CFAP263: variants seen among roughly 807,000 people sequenced by gnomAD.
The protein encoded by CFAP263 is cilia and flagella associated protein 263.
At chr16:58,281,915 T>G in the CFAP263 span, 1 of 152,496 alleles carries the variant, frequency 6.6e-6, no homozygotes, top group Non-Finnish European at 1.5e-5. Context: ...CAATCTTGGC[T>G]CACTGCAACC....
the CFAP263 span, among the ~76,000 whole-genome samples, chr16:58,272,644 G>A: frequency 3.5e-3 from 538 of 152,270 alleles, no homozygotes; most frequent in Middle Eastern, 6.8e-3. Context: ...ATTGTTGACC[G>A]AAATGTTTTC....
chr16:58,258,192 CT>C, the CFAP263 span, among the ~76,000 whole-genome samples: 1 of 150,598 alleles, frequency 6.6e-6, no homozygotes, highest in Non-Finnish European at 1.5e-5. Flanking sequence ...TTGAAGAATG[CT>C]TTTAACTAAT....
chr16:58,250,093 T>C, the CFAP263 span: 1 of 1,586,926 alleles, frequency 6.3e-7, no homozygotes, highest in African/African-American at 1.3e-5. Flanking sequence ...TATCCAGCTG[T>C]GCGGGCTGGT....
the CFAP263 span, chr16:58,262,681 C>A: frequency 4.3e-6 from 3 of 705,154 alleles, no homozygotes; most frequent in East Asian, 2.7e-5. Flanking sequence ...CTAAAATTCC[C>A]TGAATGCTCC....
At chr16:58,255,274 G>A in the CFAP263 span, among the ~76,000 whole-genome samples, 1 of 152,182 alleles carries the variant, frequency 6.6e-6, no homozygotes, top group Non-Finnish European at 1.5e-5. Flanking sequence ...AGCAATTGTC[G>A]GGCATGGGAA....
At chr16:58,280,590 G>C in the CFAP263 span, 1 of 1,614,136 alleles carries the variant, frequency 6.2e-7, no homozygotes, top group South Asian at 1.1e-5. Context: ...GTGAGGACAG[G>C]GGAGGGCCGG....
the CFAP263 span, among the ~76,000 whole-genome samples, chr16:58,272,293 A>G: frequency 2.6e-5 from 4 of 152,028 alleles, no homozygotes; most frequent in African/African-American, 9.7e-5. Flanking sequence ...TGGGATTACA[A>G]GCGTGAGCCA....
the CFAP263 span, chr16:58,278,372 A>G: frequency 3.1e-6 from 3 of 967,384 alleles, no homozygotes; most frequent in Non-Finnish European, 4.6e-6. Context: ...AAATGTAAAC[A>G]TTATTTTTGG....
chr16:58,264,071 G>A, the CFAP263 span, among the ~76,000 whole-genome samples: 1 of 152,186 alleles, frequency 6.6e-6, no homozygotes, highest in East Asian at 1.9e-4. Flanking sequence ...CATAAAGTAC[G>A]TAGAAAACAA....
the CFAP263 span, chr16:58,254,100 A>C: frequency 1.2e-6 from 2 of 1,614,126 alleles, no homozygotes; most frequent in Non-Finnish European, 1.7e-6. Flanking sequence ...GGTTGCGGAC[A>C]TGAAGGATGA....
chr16:58,264,212 C>A, the CFAP263 span, among the ~76,000 whole-genome samples: 37 of 152,316 alleles, frequency 2.4e-4, no homozygotes, highest in Middle Eastern at 3.4e-3. Flanking sequence ...GACTTCCAGG[C>A]CCTCACTGCC....
chr16:58,280,846 A>G, the CFAP263 span: 1 of 1,285,522 alleles, frequency 7.8e-7, no homozygotes, highest in Non-Finnish European at 1.1e-6. Context: ...TTGTTCTAGA[A>G]ATGTTTTACG....
chr16:58,250,052 C>G, the CFAP263 span: 1 of 1,600,390 alleles, frequency 6.2e-7, no homozygotes. Context: ...CTCTCCGACT[C>G]CCATGAAGGG....
At chr16:58,267,377 G>A in the CFAP263 span, 1 of 810,208 alleles carries the variant, frequency 1.2e-6, no homozygotes, top group Non-Finnish European at 2.0e-6. Flanking sequence ...TGGACTTTCT[G>A]GATGGTCCTG....
At chr16:58,276,849 C>T in the CFAP263 span, among the ~76,000 whole-genome samples, 1 of 152,128 alleles carries the variant, frequency 6.6e-6, no homozygotes, top group Non-Finnish European at 1.5e-5. Flanking sequence ...TGTTGATACA[C>T]AAAGATCTTC....
chr16:58,277,795 C>T, the CFAP263 span, among the ~76,000 whole-genome samples: 2 of 152,134 alleles, frequency 1.3e-5, no homozygotes, highest in Non-Finnish European at 2.9e-5. Flanking sequence ...AACTCAAGGA[C>T]ATTATGCTAA....
At chr16:58,250,130 G>C in the CFAP263 span, 1 of 1,523,020 alleles carries the variant, frequency 6.6e-7, no homozygotes, top group Non-Finnish European at 8.9e-7. Flanking sequence ...CGCCGCCCGC[G>C]CCTGGGGGCC....
chr16:58,280,376 A>G, the CFAP263 span: 11 of 1,613,928 alleles, frequency 6.8e-6, no homozygotes, highest in Non-Finnish European at 7.6e-6. Context: ...GCCTCAGGAG[A>G]CCTGCCTGAT....
chr16:58,262,921 AG>A, the CFAP263 span, among the ~76,000 whole-genome samples: 2 of 152,190 alleles, frequency 1.3e-5, no homozygotes, highest in African/African-American at 4.8e-5. Flanking sequence ...ATGCATGGCA[AG>A]TTTTGAGAAC....
Sources: gnomAD v4.1 joint callset for allele counts (sites outside exome capture counted in the v4.1 genomes callset) on GRCh38, gnomAD v4.1.1 for gene constraint, MANE v1.5 for transcripts, NCBI Gene and HGNC (gene_info 2026-07-23, HGNC 2026-07-21) for gene names.